Variants in USH2A observed in about 807,000 individuals in gnomAD.
USH2A encodes the protein usherin.
Under a neutral mutation model 538.9 loss-of-function variants are expected in USH2A, and 443 were observed. The observed-to-expected ratio is 0.82, with a 90% confidence interval of 0.76 to 0.89. The LOEUF is 0.89. Ranked by LOEUF, USH2A falls within the 40% of genes least tolerant of loss-of-function variation. The pLI, the probability that USH2A is intolerant of heterozygous loss-of-function variation, is 0.00. For synonymous variants in USH2A, 2,413 were observed against 2,273.5 expected, an observed-to-expected ratio of 1.06 and a Z score of -1.75; for missense variants, 6,633 against 6,324.8, an observed-to-expected ratio of 1.05 and a Z score of -1.65.
intron 38 of USH2A, among the ~76,000 whole-genome samples, chr1:215,913,849 G>T (rs747138840): frequency 8.6e-5 from 13 of 151,656 alleles, no homozygotes; most frequent in Non-Finnish European, 1.6e-4. Flanking sequence ...ATTCTTATAT[G>T]GATCAATAAG....
chr1:215,951,754 T>C (rs1314836543), intron 37 of USH2A, among the ~76,000 whole-genome samples: 2 of 152,334 alleles, frequency 1.3e-5, no homozygotes, highest in Non-Finnish European at 1.5e-5. Context: ...TGGGTGCATA[T>C]ATATGTAGGA....
At chr1:216,098,669 A>T (rs969786231) in intron 21 of USH2A, among the ~76,000 whole-genome samples, 8 of 152,350 alleles carry the variant, frequency 5.3e-5, no homozygotes, top group Admixed American at 4.6e-4. Flanking sequence ...CATTTGTTGA[A>T]TAGTACTCCG....
At chr1:216,002,597 C>T (rs1353826006) in intron 32 of USH2A, among the ~76,000 whole-genome samples, 2 of 152,114 alleles carry the variant, frequency 1.3e-5, no homozygotes, top group Non-Finnish European at 2.9e-5. Flanking sequence ...GCCAAATCCA[C>T]GTGACCTTGA....
At chr1:216,248,689 T>C (rs977635284) in intron 12 of USH2A, among the ~76,000 whole-genome samples, 6 of 152,104 alleles carry the variant, frequency 3.9e-5, no homozygotes, top group African/African-American at 1.2e-4. Context: ...AAAATAACTG[T>C]ATTGTTAACA....
At chr1:215,952,209 CT>C (rs1666938444) in intron 37 of USH2A, among the ~76,000 whole-genome samples, 1 of 152,152 alleles carries the variant, frequency 6.6e-6, no homozygotes, top group South Asian at 2.1e-4. Flanking sequence ...CAACCCCTGA[CT>C]TTTTTAGTTT....
At chr1:215,664,494 G>C (rs913760662) in intron 64 of USH2A, among the ~76,000 whole-genome samples, 6 of 151,884 alleles carry the variant, frequency 4.0e-5, no homozygotes. Context: ...TATTTTGTAG[G>C]GTTTTACAAA....
chr1:215,971,758 C>G (rs1187321353), intron 35 of USH2A, among the ~76,000 whole-genome samples: 1 of 152,098 alleles, frequency 6.6e-6, no homozygotes, highest in African/African-American at 2.4e-5. Context: ...TATATTGTAG[C>G]CAATTTTCCG....
intron 61 of USH2A, among the ~76,000 whole-genome samples, chr1:215,691,966 G>A (rs1257732366): frequency 1.3e-5 from 2 of 152,176 alleles, no homozygotes; most frequent in African/African-American, 4.8e-5. Context: ...GGATGAGGCT[G>A]ACTTGGACAG....
In USH2A at chr1:215,650,642, C is replaced by G; in HGVS notation, c.14293G>C (p.Val4765Leu). 1 of 1,614,182 alleles carries G rather than the reference C, an allele frequency of 6.2e-7. No individual in the cohort carries two copies. The highest frequency in any genetic ancestry group is 1.1e-5 in the South Asian group (1 of 91,086). Residue 4765 changes from valine (V) to leucine (L), a missense_variant, in exon 65 of 72, where the codon GTC (valine) becomes CTC (leucine). By Grantham distance (32) the Val-to-Leu change is conservative. Transcript: ENST00000307340. ...ISAPGKPNGI[V>L]SLYRLFSSSA... ...CTGGAGAACAGCCTGTAGAGACTGA[C>G]GATCCCGTTGGGCTTCCCAGGGGCA... is the stretch of plus-strand genomic sequence containing the variant.
intron 9 of USH2A, among the ~76,000 whole-genome samples, chr1:216,303,964 T>C (rs1558375982): frequency 6.6e-6 from 1 of 151,990 alleles, no homozygotes; most frequent in African/African-American, 2.4e-5. Context: ...CCATTGTGAA[T>C]AGAGTCACCT....
chr1:216,339,665 T>A (rs1486987328), intron 4 of USH2A, among the ~76,000 whole-genome samples: 1 of 151,398 alleles, frequency 6.6e-6, no homozygotes, highest in African/African-American at 2.4e-5. Context: ...CAAATTAGAG[T>A]TAAGATTAAA....
intron 21 of USH2A, among the ~76,000 whole-genome samples, chr1:216,149,704 ATCT>A (rs1319184940): frequency 6.6e-6 from 1 of 152,110 alleles, no homozygotes; most frequent in African/African-American, 2.4e-5. Context: ...CAGGCTGCTA[ATCT>A]TCTCTTGCCT....
intron 30 of USH2A, among the ~76,000 whole-genome samples, chr1:216,057,139 T>G (rs2031004123): frequency 6.6e-6 from 1 of 152,190 alleles, no homozygotes; most frequent in Admixed American, 6.5e-5. Context: ...TGAAAAACTT[T>G]TTTTTTTAAA....
At chr1:216,037,382 A>C (rs1222292441) in intron 32 of USH2A, among the ~76,000 whole-genome samples, 1 of 152,120 alleles carries the variant, frequency 6.6e-6, no homozygotes, top group African/African-American at 2.4e-5. Context: ...CCAGAAAACC[A>C]ACAAGCAAAA....
chr1:215,876,047 G>T (rs546262499), intron 43 of USH2A, among the ~76,000 whole-genome samples: 4 of 151,536 alleles, frequency 2.6e-5, no homozygotes, highest in East Asian at 1.9e-4. Flanking sequence ...GAGGTCAAGG[G>T]CTAAGATGTA....
At chr1:216,126,800 A>G (rs1217005344) in intron 21 of USH2A, among the ~76,000 whole-genome samples, 2 of 152,182 alleles carry the variant, frequency 1.3e-5, no homozygotes, top group East Asian at 1.9e-4. Flanking sequence ...CATTCCAAGC[A>G]GTATTTCACT....
chr1:216,230,421 A>G (rs2035653584), intron 14 of USH2A, among the ~76,000 whole-genome samples: 1 of 152,210 alleles, frequency 6.6e-6, no homozygotes, highest in Non-Finnish European at 1.5e-5. Context: ...TCAGACCATC[A>G]AGGTAACATT....
chr1:215,863,389 A>G (rs896728527), intron 44 of USH2A, among the ~76,000 whole-genome samples: 1 of 152,182 alleles, frequency 6.6e-6, no homozygotes, highest in Non-Finnish European at 1.5e-5. Flanking sequence ...GCTTTTTAGA[A>G]GAGATGAGAT....
At chr1:215,844,534 T>C (rs1663785209) in intron 45 of USH2A, 38 bp from the exon 46 acceptor site, 2 of 1,594,558 alleles carry the variant, frequency 1.3e-6, no homozygotes, top group African/African-American at 2.7e-5. Flanking sequence ...ACTCCAGCTG[T>C]CTCTGAAAAA....
Sources: allele counts gnomAD v4.1 joint callset (sites outside exome capture counted in the v4.1 genomes callset), GRCh38; gene constraint gnomAD v4.1.1; transcripts MANE v1.5; gene names NCBI Gene and HGNC (gene_info 2026-07-23, HGNC 2026-07-21).